The following POLH variants were observed in gnomAD, a reference collection of about 807,000 sequenced individuals.
The protein encoded by POLH is DNA polymerase eta.
In POLH, 53 loss-of-function variants were observed where a neutral mutation model predicts 73.6. The observed-to-expected ratio is 0.72, with a 90% CI of 0.58 to 0.91. POLH has a LOEUF of 0.91. POLH is among the 40% of genes least tolerant of loss of function. POLH has a pLI of 0.00. For missense variants in POLH, 768 were observed against 865.4 expected (o/e 0.89, Z 1.41); for synonymous variants, 292 against 308.5 (o/e 0.95, Z 0.56).
Position 43,600,995 on chromosome 6 carries a change from C to T in POLH, c.668C>T (p.Ala223Val). ...SAGISHNKVLAKLACGLNKPN... is the reference protein window; with the variant it reads ...SAGISHNKVLVKLACGLNKPN... ...TACTTTGCATGCTTCCAGGTCCTGGCAAAACTGGCCTGTGGACTAAACAAG... is the reference window on the plus strand; with the variant it reads ...TACTTTGCATGCTTCCAGGTCCTGGTAAAACTGGCCTGTGGACTAAACAAG... Residue 223 changes from alanine (A) to valine (V), a missense_variant, in exon 6 of 11, where the codon GCA becomes GTA. Transcript: ENST00000372236. 1 of 1,613,392 alleles carries T rather than the reference C, an allele frequency of 6.2e-7. No homozygotes were observed.
rs560020212 is a variant in POLH, at chr6:43,598,201, C to CAAAAAAAAAAAAAAAA, written c.660+338_660+353dup. Among the ~76,000 whole-genome samples, 419 of 73,164 alleles carry CAAAAAAAAAAAAAAAA rather than the reference C, an allele frequency of 5.7e-3. 8 individuals carry two copies. Among genetic ancestry groups the CAAAAAAAAAAAAAAAA allele is most frequent in the African/African-American group, 0.02 (395 of 19,650 alleles). The allele number at this position is 73,164 out of a possible 152,430, so 48.0% of individuals were successfully genotyped here. A position where few individuals can be genotyped will look rare whatever the true frequency, so the allele number is the denominator to read the frequency against. ...GCTTGGGCGACAGTGAGACTGTCAC[C>CAAAAAAAAAAAAAAAA]AAAAAAAAAAAAAAAAAGTTGTTAC... On this transcript the variant is annotated intron_variant, in intron 5 of 10. Coordinates refer to ENST00000372236, the MANE Select transcript of POLH (RefSeq NM_006502.3).
intron 1 of POLH, among the ~76,000 whole-genome samples, 188 bp from the exon 2 acceptor site, chr6:43,582,128 G>A (rs56265393): frequency 2.6e-5 from 4 of 152,100 alleles, no homozygotes; most frequent in Non-Finnish European, 4.4e-5. Flanking sequence ...AAAATCTCAA[G>A]CACTTTGGAT....
intron 1 of POLH, among the ~76,000 whole-genome samples, chr6:43,577,500 C>T (rs1354182947): frequency 2.6e-5 from 4 of 152,162 alleles, no homozygotes; most frequent in Non-Finnish European, 1.5e-5. Context: ...GTATCACATT[C>T]TGCCTGTTTT....
chr6:43,588,598 T>C (rs1443733738), intron 4 of POLH: 2 of 151,318 alleles, frequency 1.3e-5, no homozygotes, highest in Non-Finnish European at 2.9e-5. Context: ...ATTACAGGCA[T>C]GTATCCACTA....
chr6:43,605,804 C>T (rs549769936), intron 9 of POLH, among the ~76,000 whole-genome samples: 22 of 152,064 alleles, frequency 1.4e-4, no homozygotes, highest in Non-Finnish European at 1.9e-4. Context: ...CTGCAACCTC[C>T]GCCTCTGGGT....
chr6:43,599,185 C>T (rs1766450765), intron 5 of POLH, among the ~76,000 whole-genome samples: 1 of 151,794 alleles, frequency 6.6e-6, no homozygotes, highest in African/African-American at 2.4e-5. Context: ...GACAGGGTTT[C>T]ACCATATTGG....
At chr6:43,607,785 C>A (rs1167398819) in intron 9 of POLH, among the ~76,000 whole-genome samples, 1 of 152,146 alleles carries the variant, frequency 6.6e-6, no homozygotes, top group Non-Finnish European at 1.5e-5. Context: ...GTTTGGCTTA[C>A]ATTCTCTGAT....
Position 43,618,767 on chromosome 6 carries a change from A to AT in POLH, c.*4212dup, listed in dbSNP as rs1768513063. Among the ~76,000 whole-genome samples, 1 of 151,948 alleles carries AT rather than the reference A, an allele frequency of 6.6e-6. No homozygotes were observed. The highest frequency in any genetic ancestry group is 2.4e-5 in the African/African-American group (1 of 41,356). ...TGCATCAGCCTCCTGAGTAGCTGGGATTATAGGCATGCACCATCACGCCTG... is the reference window on the plus strand; with the variant it reads ...TGCATCAGCCTCCTGAGTAGCTGGGATTTATAGGCATGCACCATCACGCCTG... On this transcript the variant is annotated 3_prime_UTR_variant, in exon 11 of 11. Transcript: ENST00000372236.
At position 43,616,343 on chromosome 6, in the gene POLH, C is replaced by T. The variant is rs1768346012; in HGVS notation, c.*1786C>T. On this transcript the variant is annotated 3_prime_UTR_variant, in exon 11 of 11. Transcript: ENST00000372236. ...GTGCGGTTCCTCATGCCTATAATCCCAGCATTTAGGGAGGCTGAGGTGAGT... is the reference window on the plus strand; with the variant it reads ...GTGCGGTTCCTCATGCCTATAATCCTAGCATTTAGGGAGGCTGAGGTGAGT... Among the ~76,000 whole-genome samples, 1 of 151,426 alleles carries T rather than the reference C, an allele frequency of 6.6e-6. No homozygotes were observed. The highest frequency in any genetic ancestry group is 2.1e-4 in the South Asian group (1 of 4,814).
At position 43,582,323 on chromosome 6, in the gene POLH, G is replaced by A; in HGVS notation, c.4G>A (p.Ala2Thr). 6.2e-7 allele frequency: 1 copy of A among 1,614,134 alleles called. No individual in the cohort carries two copies. Among genetic ancestry groups the A allele is most frequent in the African/African-American group, 1.3e-5 (1 of 75,030 alleles). MATGQDRVVALV... is the reference protein window; with the variant it reads MTTGQDRVVALV... ...TAAAATGTTGTGTTACAGAAAAATG[G>A]CTACTGGACAGGATCGAGTGGTTGC... Residue 2 changes from alanine to threonine, a missense_variant, in exon 2 of 11, where the codon GCT becomes ACT. By Grantham distance (58) the Ala-to-Thr change is moderately conservative. Transcript: ENST00000372236.
intron 4 of POLH, among the ~76,000 whole-genome samples, chr6:43,591,897 A>G (rs1042057336): frequency 1.3e-5 from 2 of 152,206 alleles, no homozygotes; most frequent in Non-Finnish European, 2.9e-5. Flanking sequence ...GCATTCTATT[A>G]TCTCTGGCTG....
Position 43,582,461 on chromosome 6 carries a change from G to T in POLH, c.137+5G>T, listed in dbSNP as rs779881238. 2.5e-6 allele frequency: 4 copies of T among 1,613,122 alleles called. No individual in the cohort carries two copies. The African/African-American group carries it at 5.3e-5, about 22-fold the overall frequency. On this transcript the variant is annotated splice_donor_5th_base_variant and intron_variant, in intron 2 of 10. Transcript: ENST00000372236. Reference sequence around the variant, plus strand: ...CAAATCATGGAAGGGTGGTGGGTATGTATCATTGTTATTGTCACAACTATT... The same window carrying T: ...CAAATCATGGAAGGGTGGTGGGTATTTATCATTGTTATTGTCACAACTATT...
Position 43,583,112 on chromosome 6 carries a change from T to C in POLH, c.243T>C (p.Arg81=), listed in dbSNP as rs1303520413. The C allele has an allele frequency of 6.2e-6, 10 of 1,614,086 alleles. No individual in the cohort carries two copies. Among genetic ancestry groups the C allele is most frequent in the Admixed American group, 5.0e-5 (3 of 60,020 alleles). ...CAGATCTTCTACTGGCACAAGTTCG[T>C]GAGTCCCGTGGGAAAGCTAACCTCA... ...LCPDLLLAQV[R]ESRGKANLTK... is the part of the protein sequence containing the mutation. The change falls in exon 3 of 11, where the codon CGT becomes CGC. Residue 81 remains arginine, a synonymous_variant. Transcript: ENST00000372236.
At position 43,583,048 on chromosome 6, in the gene POLH, C is replaced by G; in HGVS notation, c.179C>G (p.Thr60Ser). The stretch of plus-strand genomic sequence containing the variant: ...TATGAAGCTCGTGCATTTGGAGTCA[C>G]TAGAAGTATGTGGGCAGATGATGCT... ...VSYEARAFGVTRSMWADDAKK... is the reference protein window; with the variant it reads ...VSYEARAFGVSRSMWADDAKK... Residue 60 changes from threonine to serine, a missense_variant, in exon 3 of 11, where the codon ACT (threonine) becomes AGT (serine). Coordinates refer to ENST00000372236, the MANE Select transcript of POLH (RefSeq NM_006502.3). 1.2e-6 allele frequency: 2 copies of G among 1,613,612 alleles called. No individual in the cohort carries two copies. The highest frequency in any genetic ancestry group is 2.2e-5 in the East Asian group (1 of 44,874).
intron 6 of POLH, among the ~76,000 whole-genome samples, chr6:43,602,174 C>A (rs1430255828): frequency 6.6e-6 from 1 of 152,194 alleles, no homozygotes; most frequent in African/African-American, 2.4e-5. Context: ...TACTTCTTTT[C>A]TTTCCTCTAA....
chr6:43,617,501 C>T lies in POLH; in HGVS notation c.*2944C>T, dbSNP rs564584512. Among the ~76,000 whole-genome samples, 4 of 151,814 alleles carry T rather than the reference C, an allele frequency of 2.6e-5. No individual in the cohort carries two copies. The highest frequency in any genetic ancestry group is 7.3e-5 in the African/African-American group (3 of 41,302). On this transcript the variant is annotated 3_prime_UTR_variant, in exon 11 of 11. Coordinates refer to ENST00000372236, the MANE Select transcript of POLH (RefSeq NM_006502.3). ...AATTAGGTGTGTGTGGTGACGCATG[C>T]GTGTAATCCCAGCTACTTAGGAGGC...
At position 43,617,624 on chromosome 6, in the gene POLH, A is replaced by T. The variant is rs886061462; in HGVS notation, c.*3067A>T. On this transcript the variant is annotated 3_prime_UTR_variant, in exon 11 of 11. Transcript: ENST00000372236. ...TCTGGGCAACAGAGTGACACTGTTT[A>T]AAAAAAAAAAAATTCCCAATGTGGG... Among the ~76,000 whole-genome samples, 2 of 144,236 alleles carry T rather than the reference A, an allele frequency of 1.4e-5. No individual in the cohort carries two copies. The highest frequency in any genetic ancestry group is 1.4e-4 in the Admixed American group (2 of 14,418). 94.6% of individuals were successfully genotyped at this position (144,236 alleles called of 152,430 possible). A position where few individuals can be genotyped will look rare whatever the true frequency, so the allele number is the denominator to read the frequency against.
chr6:43,576,948 G>A (rs1038704033), intron 1 of POLH, among the ~76,000 whole-genome samples: 4 of 152,198 alleles, frequency 2.6e-5, no homozygotes, highest in Non-Finnish European at 5.9e-5. Flanking sequence ...CTGAGGTCAG[G>A]AGTTCGAGAC....
chr6:43,610,451 A>C (rs1767777196), intron 9 of POLH, 103 bp from the exon 10 acceptor site: 1 of 924,868 alleles, frequency 1.1e-6, no homozygotes, highest in Non-Finnish European at 1.8e-6. Context: ...TTTCCAAACC[A>C]TTGTCACCCT....
Sources: gnomAD v4.1 joint callset for allele counts (sites outside exome capture counted in the v4.1 genomes callset) on GRCh38, gnomAD v4.1.1 for gene constraint, MANE v1.5 for transcripts, NCBI Gene and HGNC (gene_info 2026-07-23, HGNC 2026-07-21) for gene names.